MCF2L: variants seen among roughly 807,000 people sequenced by gnomAD.
The protein encoded by MCF2L is MCF.2 cell line derived transforming sequence like.
MCF2L carries 97 observed loss-of-function variants against 153.4 expected under a neutral mutation model. The ratio of observed to expected loss-of-function variants is 0.63; its 90% CI spans 0.54 to 0.75. The LOEUF is 0.75. Ranked by LOEUF, MCF2L falls within the 30% of genes least tolerant of loss-of-function variation. The pLI, the probability that MCF2L is intolerant of heterozygous loss-of-function variation, is 0.00. For synonymous variants in MCF2L, 659 were observed against 632.2 expected, an observed-to-expected ratio of 1.04 and a Z score of -0.64; for missense variants, 1,347 against 1,495.2, an observed-to-expected ratio of 0.90 and a Z score of 1.64.
intron 1 of MCF2L, among the ~76,000 whole-genome samples, chr13:112,895,183 A>G (rs1473326866): frequency 6.6e-6 from 1 of 151,936 alleles, no homozygotes; most frequent in Non-Finnish European, 1.5e-5. Flanking sequence ...ACCCTTATAT[A>G]GGATGCTGCG....
intron 2 of MCF2L, among the ~76,000 whole-genome samples, chr13:112,905,466 TACCGTA>T (rs934892174): frequency 6.6e-6 from 1 of 152,198 alleles, no homozygotes; most frequent in Non-Finnish European, 1.5e-5. Flanking sequence ...GAAGTTTGTT[TACCGTA>T]ACTAGGGGCA....
intron 2 of MCF2L, 115 bp from the exon 3 acceptor site, chr13:113,024,529 A>G: frequency 1.5e-6 from 1 of 655,428 alleles, no homozygotes; most frequent in Non-Finnish European, 2.8e-6. Context: ...AACGATGAAG[A>G]ACATGCCTCA....
chr13:112,913,122 GTGTC>G (rs1310116943), intron 2 of MCF2L, among the ~76,000 whole-genome samples: 1 of 150,740 alleles, frequency 6.6e-6, no homozygotes, highest in Non-Finnish European at 1.5e-5. Flanking sequence ...TGTATGGGAT[GTGTC>G]TGATTGTGTG....
At chr13:113,019,288 C>T (rs2084729613) in intron 2 of MCF2L, among the ~76,000 whole-genome samples, 1 of 152,216 alleles carries the variant, frequency 6.6e-6, no homozygotes, top group African/African-American at 2.4e-5. Context: ...ACCCCGGAGT[C>T]TCCCTGGCAC....
Position 113,097,871 on chromosome 13 carries a change from G to GCCT in MCF2L, c.*1015_*1017dup, listed in dbSNP as rs1466825603. On this transcript the variant is annotated 3_prime_UTR_variant, in exon 30 of 30. Transcript: ENST00000535094. ...CCACTCCACTCCCCACGCGCCCCCT[G>GCCT]CCTCCCACCCAGGTCCACCTGCCAC... The GCCT allele has an allele frequency of 6.7e-6, 1 of 149,992 alleles. No individual in the cohort carries two copies. Among genetic ancestry groups the GCCT allele is most frequent in the African/African-American group, 2.5e-5 (1 of 39,330 alleles). The allele number at this position is 149,992 out of a possible 1,614,324, so 9.3% of individuals were successfully genotyped here.
Position 113,035,389 on chromosome 13 carries a change from C to CCTGCAGCCA in MCF2L, c.279-9880_279-9872dup, listed in dbSNP as rs2086092294. ...ATATTTACAAGCCACAGAATTATTTCCTGCAGCCACAGAGACTTCCTTGGC... is the reference window on the plus strand; with the variant it reads ...ATATTTACAAGCCACAGAATTATTTCCTGCAGCCACTGCAGCCACAGAGACTTCCTTGGC... On this transcript the variant is annotated intron_variant, in intron 3 of 29. Coordinates refer to ENST00000535094, the MANE Select transcript of MCF2L (RefSeq NM_001112732.3). The surrounding 1 kb of genome is among the most constrained non-coding windows in gnomAD (Gnocchi z 4.4). Among the ~76,000 whole-genome samples the CCTGCAGCCA allele has an allele frequency of 3.3e-5, 5 of 152,314 alleles. No homozygotes were observed. In the South Asian group the frequency reaches 8.3e-4, roughly 25 times the overall value.
rs902456874 is a variant in MCF2L, at chr13:113,054,139, A to G, written c.370-6454A>G. 1.3e-5 allele frequency among the ~76,000 whole-genome samples: 2 copies of G among 152,232 alleles called. No individual in the cohort carries two copies. The highest frequency in any genetic ancestry group is 2.9e-5 in the Non-Finnish European group (2 of 68,018). ...AATCAACAGACTGTCCTATTTTCAT[A>G]GTAGTCCCCACCCAAATGTCATTCG... is the stretch of plus-strand genomic sequence containing the variant. On this transcript the variant is annotated intron_variant, in intron 4 of 29. Transcript: ENST00000535094. This position sits in a 1 kb window ranked among gnomAD's most constrained non-coding sequence, Gnocchi z 5.2.
intron 1 of MCF2L, among the ~76,000 whole-genome samples, chr13:112,997,043 G>A (rs535439778): frequency 3.7e-4 from 56 of 152,332 alleles, no homozygotes; most frequent in African/African-American, 1.2e-3. Context: ...GGCCGCCCTC[G>A]CCTGCACTGC....
At position 113,070,313 on chromosome 13, in the gene MCF2L, G is replaced by T. The variant is rs1234709744; in HGVS notation, c.996+140G>T. 3.9e-6 allele frequency: 2 copies of T among 515,638 alleles called. No individual in the cohort carries two copies. Among genetic ancestry groups the T allele is most frequent in the Non-Finnish European group, 6.7e-6 (2 of 299,450 alleles). 31.9% of individuals were successfully genotyped at this position (515,638 alleles called of 1,614,324 possible). A position where few individuals can be genotyped will look rare whatever the true frequency, so the allele number is the denominator to read the frequency against. The stretch of plus-strand genomic sequence containing the variant: ...AATGCAGAAAAGTCTCCGCTTGCCA[G>T]GTGGAGCCTGTGAGATTAAGTCAGG... On this transcript the variant is annotated intron_variant, in intron 9 of 29. Transcript: ENST00000535094. This position sits in a 1 kb window ranked among gnomAD's most constrained non-coding sequence, Gnocchi z 5.6.
chr13:113,048,856 G>A (rs1176959235), intron 4 of MCF2L, among the ~76,000 whole-genome samples: 1 of 152,214 alleles, frequency 6.6e-6, no homozygotes, highest in Non-Finnish European at 1.5e-5. Flanking sequence ...AAGGCTCACC[G>A]CCAGCTGGGT....
Position 113,087,363 on chromosome 13 carries a change from G to C in MCF2L, c.2502G>C (p.Leu834=). Residue 834 remains leucine, a synonymous_variant, in exon 22 of 30, where the codon CTG becomes CTC. Coordinates refer to ENST00000535094, the MANE Select transcript of MCF2L (RefSeq NM_001112732.3). ...RFKPMQRHLF[L]HEKAVLFCKK... The stretch of plus-strand genomic sequence containing the variant: ...AGCCCATGCAGCGGCACCTGTTCCT[G>C]CACGAGAAGGCAGTGCTCTTCTGCA... The C allele has an allele frequency of 1.2e-6, 2 of 1,613,432 alleles. No individual in the cohort carries two copies. The highest frequency in any genetic ancestry group is 8.5e-7 in the Non-Finnish European group (1 of 1,180,030).
chr13:113,087,905 G>A, intron 23 of MCF2L, 106 bp downstream of exon 23: 1 of 909,560 alleles, frequency 1.1e-6, no homozygotes, highest in East Asian at 2.6e-5. Flanking sequence ...CCCAGGAGCA[G>A]CCGCTGTACA....
At chr13:113,088,090 G>A (rs1371821022) in intron 23 of MCF2L, among the ~76,000 whole-genome samples, 1 of 152,242 alleles carries the variant, frequency 6.6e-6, no homozygotes, top group Non-Finnish European at 1.5e-5. Flanking sequence ...GATTCTCACG[G>A]TGGGGAGGGT....
chr13:112,978,822 CAA>C (rs1427326057), intron 1 of MCF2L, among the ~76,000 whole-genome samples: 2 of 152,228 alleles, frequency 1.3e-5, no homozygotes, highest in Non-Finnish European at 2.9e-5. Flanking sequence ...GAGCACATAA[CAA>C]TGAGTTAAAA....
intron 1 of MCF2L, among the ~76,000 whole-genome samples, chr13:113,014,292 G>C (rs544942447): frequency 6.6e-6 from 1 of 152,212 alleles, no homozygotes; most frequent in Non-Finnish European, 1.5e-5. Context: ...CTGTGTGTGC[G>C]GAGGCAGAGG....
At position 113,024,663 on chromosome 13, in the gene MCF2L, A is replaced by T; in HGVS notation, c.183A>T (p.Gly61=). Residue 61 remains glycine (G), a synonymous_variant, in exon 3 of 30, where the codon GGA becomes GGT. Coordinates refer to ENST00000535094, the MANE Select transcript of MCF2L (RefSeq NM_001112732.3). ...CCCCAGGTGGGCGGGGGCAGGACGGAAGCCCGGTTATCACCTTCCCTGACT... is the reference window on the plus strand; with the variant it reads ...CCCCAGGTGGGCGGGGGCAGGACGGTAGCCCGGTTATCACCTTCCCTGACT... ...AYLSGGRGQD[G]SPVITFPDYP... The T allele has an allele frequency of 6.2e-7, 1 of 1,614,002 alleles. No homozygotes were observed. Among genetic ancestry groups the T allele is most frequent in the Non-Finnish European group, 8.5e-7 (1 of 1,179,922 alleles).
At chr13:113,078,563 A>G in intron 14 of MCF2L, 103 bp from the exon 15 acceptor site, 1 of 1,397,172 alleles carries the variant, frequency 7.2e-7, no homozygotes, top group Non-Finnish European at 1.0e-6. Context: ...CATCGTGGGA[A>G]TTCAGCCCTG....
Position 113,088,390 on chromosome 13 carries a change from C to A in MCF2L, c.2752C>A (p.Leu918Met). 2 of 1,614,024 alleles carry A rather than the reference C, an allele frequency of 1.2e-6. No individual in the cohort carries two copies. The highest frequency in any genetic ancestry group is 1.7e-6 in the Non-Finnish European group (2 of 1,180,028). ...AATTCGGAAAGTGCTGACCAGCCAG[C>A]TGCAGGCTTGTAGAGGTGAGGCTGT... is the stretch of plus-strand genomic sequence containing the variant. ...NEIRKVLTSQ[L>M]QACREASQHR... Residue 918 changes from leucine to methionine, a missense_variant, in exon 24 of 30, where the codon CTG becomes ATG. By Grantham distance (15) the Leu-to-Met change is conservative. Transcript: ENST00000535094.
intron 18 of MCF2L, chr13:113,084,658 T>C: frequency 1.7e-6 from 1 of 573,280 alleles, no homozygotes; most frequent in Admixed American, 3.2e-5. Context: ...CTCTGGGAAG[T>C]CAGGGGCTCT....
Sources: allele counts gnomAD v4.1 joint callset (sites outside exome capture counted in the v4.1 genomes callset), GRCh38; gene constraint gnomAD v4.1.1; non-coding constraint Gnocchi (gnomAD v3.1); transcripts MANE v1.5; gene names NCBI Gene and HGNC (gene_info 2026-07-23, HGNC 2026-07-21).